The following CDC45 variants were observed in gnomAD, a reference collection of about 807,000 sequenced individuals.
The protein encoded by CDC45 is cell division cycle 45, also known as cell division control protein 45 homolog.
A neutral mutation model predicts 77.8 loss-of-function variants in CDC45; 54 were observed. The ratio of observed to expected loss-of-function variants is 0.69; its 90% CI spans 0.56 to 0.87. The LOEUF (loss-of-function observed/expected upper bound fraction) is 0.87, where lower values mean the gene tolerates loss of function less well. CDC45 is among the 40% of genes least tolerant of loss of function. The pLI, the probability that CDC45 is intolerant of heterozygous loss-of-function variation, is 0.00. For synonymous variants in CDC45, 260 were observed against 272.1 expected (o/e 0.96, Z 0.44); for missense variants, 649 against 721.6 (o/e 0.90, Z 1.15).
At position 19,482,819 on chromosome 22, in the gene CDC45, G is replaced by A. The variant is rs768226051; in HGVS notation, c.334G>A (p.Asp112Asn). Residue 112 changes from aspartate (D) to asparagine (N), a missense_variant, in exon 4 of 19, where the codon GAT becomes AAT. Coordinates refer to ENST00000263201, the MANE Select transcript of CDC45 (RefSeq NM_003504.5). The part of the protein sequence containing the change: ...RPVNVVNVYN[D>N]TQIKLLIKQD... ...AGTCAATGTCGTCAATGTATACAAC[G>A]ATACCCAGGTACTTTTTGTGCTATG... 20 of 1,613,792 alleles carry A rather than the reference G, an allele frequency of 1.2e-5. No individual in the cohort carries two copies. The highest frequency in any genetic ancestry group is 1.7e-5 in the Non-Finnish European group (20 of 1,179,880).
chr22:19,516,443 G>C (rs1408354072), intron 15 of CDC45, 84 bp from the exon 16 acceptor site: 5 of 1,133,344 alleles, frequency 4.4e-6, no homozygotes, highest in Non-Finnish European at 6.7e-6. Flanking sequence ...GGAGTGGAGT[G>C]ACTGGGCGCT....
At chr22:19,498,936 A>G (rs2090291503) in intron 8 of CDC45, among the ~76,000 whole-genome samples, 165 bp from the exon 9 acceptor site, 1 of 152,176 alleles carries the variant, frequency 6.6e-6, no homozygotes, top group Non-Finnish European at 1.5e-5. Context: ...TCTTCACCTC[A>G]AGGAGAGAGG....
At chr22:19,485,284 T>C (rs1348953545) in intron 5 of CDC45, among the ~76,000 whole-genome samples, 1 of 152,254 alleles carries the variant, frequency 6.6e-6, no homozygotes, top group Non-Finnish European at 1.5e-5. Flanking sequence ...AAGCACTTAC[T>C]ATGTGCCAGG....
intron 13 of CDC45, among the ~76,000 whole-genome samples, chr22:19,513,733 G>A (rs1444715670): frequency 6.6e-6 from 1 of 152,200 alleles, no homozygotes. Context: ...GCGCATGTGA[G>A]ATAAACTTTC....
intron 13 of CDC45, among the ~76,000 whole-genome samples, chr22:19,511,846 G>A (rs932307140): frequency 2.0e-5 from 3 of 150,376 alleles, no homozygotes; most frequent in African/African-American, 4.9e-5. Flanking sequence ...AGGTCATGAA[G>A]ATTTCACATT....
chr22:19,483,883 G>T lies in CDC45; in HGVS notation c.364G>T (p.Asp122Tyr). 6.2e-7 allele frequency: 1 copy of T among 1,612,400 alleles called. No homozygotes were observed. Among genetic ancestry groups the T allele is most frequent in the Non-Finnish European group, 8.5e-7 (1 of 1,179,548 alleles). ...TTAGATCAAATTACTCATTAAACAA[G>T]ATGATGACCTTGAAGTTCCCGCCTA... ...DTQIKLLIKQ[D>Y]DDLEVPAYED... The change falls in exon 5 of 19, where the codon GAT (aspartate) becomes TAT (tyrosine). Residue 122 changes from aspartate (D) to tyrosine (Y), a missense_variant. Transcript: ENST00000263201.
At chr22:19,488,418 A>G (rs1418361876) in intron 5 of CDC45, among the ~76,000 whole-genome samples, 2 of 152,226 alleles carry the variant, frequency 1.3e-5, no homozygotes, top group Non-Finnish European at 2.9e-5. Flanking sequence ...GCTCCAAACC[A>G]GGACTACTGA....
At chr22:19,487,757 A>G (rs2146346419) in intron 5 of CDC45, among the ~76,000 whole-genome samples, 1 of 151,812 alleles carries the variant, frequency 6.6e-6, no homozygotes. Context: ...CTAAAAATAC[A>G]AAAAATTTCC....
chr22:19,514,791 G>A lies in CDC45; in HGVS notation c.1260G>A (p.Lys420=). The change falls in exon 14 of 19, where the codon AAG becomes AAA. Residue 420 remains lysine (K), a synonymous_variant. Transcript: ENST00000263201. ...TGTACCATGGCCTGGAACTCGCCAA[G>A]AAGCAGCTGCGAGCCACCCAGCAGA... ...DKLYHGLELA[K]KQLRATQQTI... 6.2e-7 allele frequency: 1 copy of A among 1,614,022 alleles called. No homozygotes were observed. The highest frequency in any genetic ancestry group is 8.5e-7 in the Non-Finnish European group (1 of 1,179,962).
chr22:19,485,320 T>G (rs5746748), intron 5 of CDC45, among the ~76,000 whole-genome samples: 128,127 of 152,254 alleles, frequency 0.84, 54,325 homozygotes, highest in African/African-American at 0.94. Flanking sequence ...GGGGTGCGGG[T>G]ATGAGAGCAA....
chr22:19,495,801 G>C (rs969498124), intron 6 of CDC45, among the ~76,000 whole-genome samples, 180 bp from the exon 7 acceptor site: 5 of 152,166 alleles, frequency 3.3e-5, no homozygotes, highest in African/African-American at 9.7e-5. Flanking sequence ...CAGCCTGGGA[G>C]ACATAGCAAG....
Position 19,497,420 on chromosome 22 carries a change from T to C in CDC45, c.626T>C (p.Leu209Pro). Reference sequence around the variant, plus strand: ...GTGATGTTTGAGCTGGCTTGGATGCTGTCCAAGGACCTGAATGACATGCTG... The same window carrying C: ...GTGATGTTTGAGCTGGCTTGGATGCCGTCCAAGGACCTGAATGACATGCTG... ...AMVMFELAWM[L>P]SKDLNDMLWW... is the part of the protein sequence containing the mutation. Residue 209 changes from leucine to proline, a missense_variant, in exon 8 of 19, where the codon CTG (leucine) becomes CCG (proline). Physicochemically the swap from Leu to Pro is moderately conservative, Grantham distance 98 (BLOSUM62 -3). Transcript: ENST00000263201. 1 of 1,614,134 alleles carries C rather than the reference T, an allele frequency of 6.2e-7. No individual in the cohort carries two copies. Among genetic ancestry groups the C allele is most frequent in the Non-Finnish European group, 8.5e-7 (1 of 1,179,958 alleles).
At chr22:19,487,081 G>T (rs1447679376) in intron 5 of CDC45, among the ~76,000 whole-genome samples, 1 of 151,982 alleles carries the variant, frequency 6.6e-6, no homozygotes, top group East Asian at 2.0e-4. Context: ...ATCACCTGAG[G>T]TCAGGAGTTT....
chr22:19,485,137 G>A (rs1057195681), intron 5 of CDC45, among the ~76,000 whole-genome samples: 1 of 151,744 alleles, frequency 6.6e-6, no homozygotes, highest in African/African-American at 2.4e-5. Flanking sequence ...TTTTTATATA[G>A]CATTCTTTTA....
intron 6 of CDC45, 150 bp from the exon 7 acceptor site, chr22:19,495,831 G>GA: frequency 2.8e-6 from 2 of 706,314 alleles, no homozygotes; most frequent in South Asian, 2.9e-5. Flanking sequence ...CAACAAAAAA[G>GA]AAAAAACCAA....
chr22:19,479,718 C>T (rs1225612873), upstream of CDC45: 1 of 680,524 alleles, frequency 1.5e-6, no homozygotes. Flanking sequence ...AAGGGGGCAA[C>T]AGTGTTTGCG....
In CDC45 at chr22:19,507,361, G is replaced by C. The variant is rs764814025; in HGVS notation, c.825-25G>C. The stretch of plus-strand genomic sequence containing the variant: ...TGCTCAGGGCGGCCAGTGGGTGCTT[G>C]CATGCTCCTTGACTGCAGGCCCAGC... On this transcript the variant is annotated intron_variant, in intron 10 of 18. Coordinates refer to ENST00000263201, the MANE Select transcript of CDC45 (RefSeq NM_003504.5). 4 of 1,610,910 alleles carry C rather than the reference G, an allele frequency of 2.5e-6. No homozygotes were observed. The Admixed American group carries it at 5.0e-5, about 20-fold the overall frequency.
chr22:19,516,756 G>C lies in CDC45; in HGVS notation c.1560-61G>C, dbSNP rs547558670. 4.7e-3 allele frequency: 3,587 copies of C among 758,218 alleles called. 8 individuals carry two copies. Among genetic ancestry groups the C allele is most frequent in the Non-Finnish European group, 6.7e-3 (3,163 of 472,332 alleles). The allele number at this position is 758,218 out of a possible 1,614,324, so 47.0% of individuals were successfully genotyped here. On this transcript the variant is annotated intron_variant, in intron 16 of 18. Transcript: ENST00000263201. ...TTGCCTCTAGTGTCTGTCCTGGGGC[G>C]GGGGGTGGGAAGGGTCCATTGCAGG... is the stretch of plus-strand genomic sequence containing the variant.
intron 13 of CDC45, among the ~76,000 whole-genome samples, chr22:19,509,187 A>T (rs1685223916): frequency 6.6e-6 from 1 of 152,334 alleles, no homozygotes; most frequent in African/African-American, 2.4e-5. Context: ...ATATCTCCAA[A>T]TACACTGAAT....
Sources: allele counts gnomAD v4.1 joint callset (sites outside exome capture counted in the v4.1 genomes callset), GRCh38; gene constraint gnomAD v4.1.1; transcripts MANE v1.5; gene names NCBI Gene and HGNC (gene_info 2026-07-23, HGNC 2026-07-21).